PPP2R5B: variants seen among roughly 807,000 people sequenced by gnomAD.
The protein encoded by PPP2R5B is protein phosphatase 2 regulatory subunit B'beta, also known as serine/threonine-protein phosphatase 2A 56 kDa regulatory subunit beta isoform.
PPP2R5B carries 19 observed loss-of-function variants against 59.9 expected under a neutral mutation model. The ratio of observed to expected loss-of-function variants is 0.32; its 90% CI spans 0.22 to 0.47. The LOEUF is 0.47. PPP2R5B is among the 20% of genes least tolerant of loss of function. The pLI, the probability that PPP2R5B is intolerant of heterozygous loss-of-function variation, is 1.00. For missense variants in PPP2R5B, 441 were observed against 640.2 expected (o/e 0.69, Z 3.36); for synonymous variants, 286 against 260.5 (o/e 1.10, Z -0.94).
chr11:64,926,052 C>A, intron 2 of PPP2R5B, 119 bp downstream of exon 2: 2 of 1,044,940 alleles, frequency 1.9e-6, no homozygotes, highest in Non-Finnish European at 1.4e-6. Flanking sequence ...CCCCTCCAGG[C>A]TAGGTTCTCC....
Position 64,933,214 on chromosome 11 carries a change from G to A in PPP2R5B, c.1314G>A (p.Glu438=), listed in dbSNP as rs992102430. 1.2e-6 allele frequency: 2 copies of A among 1,612,596 alleles called. No individual in the cohort carries two copies. Among genetic ancestry groups the A allele is most frequent in the Admixed American group, 3.3e-5 (2 of 60,010 alleles). ...FMEMNGKLFD[E]LTASYKLEKQ... is the part of the protein sequence containing the mutation. ...AGATGAATGGGAAGCTGTTTGATGA[G>A]CTCACAGCCTCCTACAAGCTGGAAA... The change falls in exon 13 of 14, where the codon GAG becomes GAA. Residue 438 remains glutamate (E), a synonymous_variant. Coordinates refer to ENST00000164133, the MANE Select transcript of PPP2R5B (RefSeq NM_006244.4).
In PPP2R5B at chr11:64,933,704, C is replaced by T; in HGVS notation, c.1354C>T (p.Gln452Ter). Residue 452 changes from glutamine to a stop codon, truncating the protein, a stop_gained, in exon 14 of 14, where the codon CAG becomes TAG. Transcript: ENST00000164133. LOFTEE classifies it high-confidence loss of function. The stretch of plus-strand genomic sequence containing the variant: ...CTCACCCTCTCTCCCCAGGGAGCAG[C>T]AGAAGGCCCAGGAGCGTCAGGAGTT... ...SYKLEKQQEQ[Q>*]KAQERQELWQ... The T allele has an allele frequency of 3.9e-6, 6 of 1,554,410 alleles. No homozygotes were observed. Among genetic ancestry groups the T allele is most frequent in the Non-Finnish European group, 5.2e-6 (6 of 1,148,522 alleles).
intron 1 of PPP2R5B, among the ~76,000 whole-genome samples, chr11:64,918,972 G>C (rs1376502294): frequency 6.6e-6 from 1 of 152,214 alleles, no homozygotes; most frequent in Non-Finnish European, 1.5e-5. Flanking sequence ...GGTTGGGTTA[G>C]TAAGTGGAGA....
At chr11:64,933,570 C>A in intron 13 of PPP2R5B, 127 bp from the exon 14 acceptor site, 1 of 1,242,318 alleles carries the variant, frequency 8.0e-7, no homozygotes, top group Non-Finnish European at 1.1e-6. Context: ...TTTATGGAGT[C>A]ACAGAACAAA....
intron 13 of PPP2R5B, 44 bp from the exon 14 acceptor site, chr11:64,933,653 T>G (rs1009036584): frequency 2.0e-6 from 3 of 1,532,154 alleles, no homozygotes; most frequent in Middle Eastern, 3.5e-4. Flanking sequence ...GTCTGGACTG[T>G]GGGGGGCCCC....
intron 2 of PPP2R5B, among the ~76,000 whole-genome samples, chr11:64,926,467 C>A (rs766599141): frequency 6.6e-6 from 1 of 152,244 alleles, no homozygotes; most frequent in Non-Finnish European, 1.5e-5. Context: ...TGTGATCTTG[C>A]TTTAAAACTC....
intron 1 of PPP2R5B, among the ~76,000 whole-genome samples, chr11:64,918,645 A>C (rs985309416): frequency 7.4e-5 from 11 of 148,152 alleles, no homozygotes; most frequent in African/African-American, 2.8e-4. Flanking sequence ...TTTCTATTTT[A>C]TTTATTTTTT....
At chr11:64,930,024 C>T (rs558189007) in intron 6 of PPP2R5B, among the ~76,000 whole-genome samples, 2 of 152,194 alleles carry the variant, frequency 1.3e-5, no homozygotes, top group East Asian at 1.9e-4. Context: ...AATTCTGAGA[C>T]TTACATGGTA....
At chr11:64,927,294 A>T (rs1425896190) in intron 3 of PPP2R5B, among the ~76,000 whole-genome samples, 1 of 152,232 alleles carries the variant, frequency 6.6e-6, no homozygotes, top group East Asian at 1.9e-4. Context: ...GAAGGCAGGG[A>T]TGTGTCCCAT....
At chr11:64,927,251 G>T (rs1443689101) in intron 3 of PPP2R5B, among the ~76,000 whole-genome samples, 1 of 152,220 alleles carries the variant, frequency 6.6e-6, no homozygotes, top group African/African-American at 2.4e-5. Context: ...ACAGCTTCTA[G>T]CCTTGTTCTC....
At chr11:64,927,713 G>GAAA in intron 3 of PPP2R5B, 89 bp from the exon 4 acceptor site, 30 of 844,906 alleles carry the variant, frequency 3.6e-5, no homozygotes, top group African/African-American at 9.0e-5. Flanking sequence ...TCTTGGGAAA[G>GAAA]AAAAAAAAAA....
chr11:64,930,980 C>T (rs1305364395), intron 8 of PPP2R5B, among the ~76,000 whole-genome samples: 2 of 151,978 alleles, frequency 1.3e-5, no homozygotes, highest in African/African-American at 4.8e-5. Context: ...CTCAAGCAGT[C>T]CTCCCTTCTC....
intron 8 of PPP2R5B, 141 bp downstream of exon 8, chr11:64,930,730 C>A: frequency 1.4e-6 from 1 of 720,058 alleles, no homozygotes; most frequent in Non-Finnish European, 2.3e-6. Context: ...TTAGAAAATT[C>A]CCACTGGCGC....
intron 6 of PPP2R5B, among the ~76,000 whole-genome samples, chr11:64,928,965 CA>C (rs1328573620): frequency 4.5e-4 from 58 of 127,920 alleles, no homozygotes; most frequent in African/African-American, 2.6e-4. Flanking sequence ...GACTGTGTCT[CA>C]AAAAAAAAAA....
chr11:64,934,373 A>T lies in PPP2R5B; in HGVS notation c.*529A>T. The T allele has an allele frequency of 3.4e-6, 1 of 296,166 alleles. No individual in the cohort carries two copies. Among genetic ancestry groups the T allele is most frequent in the Non-Finnish European group, 6.4e-6 (1 of 155,864 alleles). 18.3% of individuals were successfully genotyped at this position (296,166 alleles called of 1,614,324 possible). ...CAGGGGGAGGGGGAGGGCACAGGCAAGAAGAGATTCACAGTGTCCTGGGGT... is the reference window on the plus strand; with the variant it reads ...CAGGGGGAGGGGGAGGGCACAGGCATGAAGAGATTCACAGTGTCCTGGGGT... On this transcript the variant is annotated 3_prime_UTR_variant, in exon 14 of 14. Coordinates refer to ENST00000164133, the MANE Select transcript of PPP2R5B (RefSeq NM_006244.4).
chr11:64,934,268 C>T lies in PPP2R5B; in HGVS notation c.*424C>T, dbSNP rs1007737268. 4.4e-6 allele frequency: 1 copy of T among 227,836 alleles called. No individual in the cohort carries two copies. The highest frequency in any genetic ancestry group is 2.3e-5 in the African/African-American group (1 of 43,614). 14.1% of individuals were successfully genotyped at this position (227,836 alleles called of 1,614,324 possible). ...TCTATTTATTCTCGCCCAGCTCACC[C>T]TCTACACAGACACTGTCCTGGGTGC... is the stretch of plus-strand genomic sequence containing the variant. On this transcript the variant is annotated 3_prime_UTR_variant, in exon 14 of 14. Transcript: ENST00000164133.
In PPP2R5B at chr11:64,918,787, CCTGTGTTT is replaced by C. The variant is rs566463111; in HGVS notation, c.-265+1150_-265+1157del. On this transcript the variant is annotated intron_variant, in intron 1 of 4. Transcript: ENST00000526559. Reference sequence around the variant, plus strand: ...TACAGGTGTGAGCTACCCCACCTAGCCTGTGTTTCTATTTTAATCTTACTTGGGAGCTG... The same window carrying C: ...TACAGGTGTGAGCTACCCCACCTAGCCTATTTTAATCTTACTTGGGAGCTG... Among the ~76,000 whole-genome samples, 230 of 152,300 alleles carry C rather than the reference CCTGTGTTT, an allele frequency of 1.5e-3. 2 individuals carry two copies. The highest frequency in any genetic ancestry group is 5.3e-3 in the African/African-American group (222 of 41,556).
chr11:64,926,931 C>CCGAG, intron 3 of PPP2R5B, 23 bp downstream of exon 3: 5 of 1,608,376 alleles, frequency 3.1e-6, no homozygotes, highest in Non-Finnish European at 4.2e-6. Context: ...CACCCAGGCT[C>CCGAG]CGAGGGCCGG....
chr11:64,929,066 A>G (rs1050050933), intron 6 of PPP2R5B, among the ~76,000 whole-genome samples: 12 of 152,166 alleles, frequency 7.9e-5, no homozygotes, highest in African/African-American at 2.7e-4. Context: ...GCCCTTTCTC[A>G]GTAACGTATT....
Sources: gnomAD v4.1 joint callset for allele counts (sites outside exome capture counted in the v4.1 genomes callset) on GRCh38, gnomAD v4.1.1 for gene constraint, MANE v1.5 for transcripts, NCBI Gene and HGNC (gene_info 2026-07-23, HGNC 2026-07-21) for gene names.